PRKCH: variants seen among roughly 807,000 people sequenced by gnomAD.
PRKCH encodes the protein protein kinase C eta type.
In PRKCH, 28 loss-of-function variants were observed where a neutral mutation model predicts 82.5. The observed-to-expected ratio is 0.34, with a 90% CI of 0.25 to 0.47. PRKCH has a LOEUF of 0.47. Ranked by LOEUF, PRKCH falls within the 20% of genes least tolerant of loss-of-function variation. The pLI is 1.00. For synonymous variants in PRKCH, 322 were observed against 327.4 expected (o/e 0.98, Z 0.18); for missense variants, 705 against 881.8 (o/e 0.80, Z 2.54).
chr14:61,548,722 G>A (rs912640977), intron 13 of PRKCH, among the ~76,000 whole-genome samples: 9 of 151,928 alleles, frequency 5.9e-5, no homozygotes, highest in African/African-American at 2.2e-4. Flanking sequence ...AAAAAGCCTG[G>A]TGTGGTGATG....
At chr14:61,422,582 C>A (rs1262998237) in intron 2 of PRKCH, among the ~76,000 whole-genome samples, 2 of 152,174 alleles carry the variant, frequency 1.3e-5, no homozygotes, top group Non-Finnish European at 2.9e-5. Flanking sequence ...TGTATGTGCT[C>A]CAGATTCCCC....
At chr14:61,258,765 C>T (rs1289372270) in intron 1 of PRKCH, among the ~76,000 whole-genome samples, 1 of 152,120 alleles carries the variant, frequency 6.6e-6, no homozygotes. Context: ...ATTTTGTGGG[C>T]TTTAATCATT....
chr14:61,219,209 G>T (rs1006004857), intron 1 of PRKCH, among the ~76,000 whole-genome samples: 8 of 152,338 alleles, frequency 5.3e-5, no homozygotes, highest in Non-Finnish European at 1.0e-4. Flanking sequence ...CTGGAGGAGT[G>T]AAGTATTCAT....
chr14:61,188,746 T>C (rs1254223622), intron 1 of PRKCH, among the ~76,000 whole-genome samples: 1 of 143,570 alleles, frequency 7.0e-6, no homozygotes, highest in East Asian at 2.1e-4. Flanking sequence ...TGTGATGGAG[T>C]TTTGCTCTTG....
intron 1 of PRKCH, chr14:61,281,038 G>C (rs1219975471): frequency 2.6e-6 from 4 of 1,530,554 alleles, no homozygotes; most frequent in Non-Finnish European, 3.5e-6. Context: ...GAAGAAGAGC[G>C]GCAGCGCGAT....
At chr14:61,324,135 T>G (rs1192308058) in intron 1 of PRKCH, among the ~76,000 whole-genome samples, 1 of 152,222 alleles carries the variant, frequency 6.6e-6, no homozygotes, top group Non-Finnish European at 1.5e-5. Flanking sequence ...GATTCCAGTA[T>G]GCAGTCGAGG....
intron 2 of PRKCH, among the ~76,000 whole-genome samples, chr14:61,406,080 C>A (rs955115599): frequency 2.0e-5 from 3 of 152,134 alleles, no homozygotes; most frequent in Admixed American, 6.5e-5. Flanking sequence ...CAGGTAAGCA[C>A]CTTGGCTGCT....
At position 61,274,323 on chromosome 14, in the gene PRKCH, G is replaced by C. The variant is rs956421522; in HGVS notation, c.-19+86655G>C. Among the ~76,000 whole-genome samples the C allele has an allele frequency of 7.2e-5, 11 of 152,168 alleles. 1 individual carries two copies. Among genetic ancestry groups the C allele is most frequent in the African/African-American group, 2.7e-4 (11 of 41,438 alleles). On this transcript the variant is annotated intron_variant, in intron 1 of 3. Transcript: ENST00000555185. The stretch of plus-strand genomic sequence containing the variant: ...AAAGTGGATGAAGATTTAGAACGAG[G>C]CCAACCATGAAGGTGTGTATGTCCT...
Position 61,321,934 on chromosome 14 carries a change from A to G in PRKCH, c.-168A>G. 5 of 636,142 alleles carry G rather than the reference A, an allele frequency of 7.9e-6. 1 individual carries two copies. In the South Asian group the frequency reaches 9.3e-5, roughly 12 times the overall value. The allele number at this position is 636,142 out of a possible 1,614,324, so 39.4% of individuals were successfully genotyped here. A position where few individuals can be genotyped will look rare whatever the true frequency, so the allele number is the denominator to read the frequency against. On this transcript the variant is annotated 5_prime_UTR_variant, in exon 1 of 14. Coordinates refer to ENST00000332981, the MANE Select transcript of PRKCH (RefSeq NM_006255.5). This position sits in a 1 kb window ranked among gnomAD's most constrained non-coding sequence, Gnocchi z 4.1. ...GAGGGAGGGAAGGAGGGGAGGGAAAAGTCCCACGGAGGAGGCAGAATGGCC... is the reference window on the plus strand; with the variant it reads ...GAGGGAGGGAAGGAGGGGAGGGAAAGGTCCCACGGAGGAGGCAGAATGGCC...
intron 1 of PRKCH, among the ~76,000 whole-genome samples, chr14:61,251,316 AT>A (rs1265512625): frequency 3.3e-5 from 5 of 151,904 alleles, no homozygotes; most frequent in East Asian, 1.9e-4. Flanking sequence ...CTTTCTAATT[AT>A]TTTTTGTACC....
intron 9 of PRKCH, among the ~76,000 whole-genome samples, chr14:61,472,882 GT>G (rs1885566406): frequency 6.6e-6 from 1 of 152,200 alleles, no homozygotes; most frequent in Admixed American, 6.5e-5. Context: ...TTCTGTAAAT[GT>G]TTATGGAGCA....
intron 9 of PRKCH, among the ~76,000 whole-genome samples, chr14:61,482,152 G>T (rs1288770043): frequency 1.3e-5 from 2 of 151,308 alleles, no homozygotes; most frequent in African/African-American, 4.9e-5. Context: ...ATGCCACCAT[G>T]CCCAGCTAAT....
chr14:61,435,619 T>C (rs2140266821), intron 2 of PRKCH, among the ~76,000 whole-genome samples: 1 of 152,260 alleles, frequency 6.6e-6, no homozygotes, highest in African/African-American at 2.4e-5. Context: ...GGTGGGAGGA[T>C]GGCTTGAGTC....
chr14:61,415,830 C>T (rs1882518854), intron 2 of PRKCH, among the ~76,000 whole-genome samples: 1 of 152,102 alleles, frequency 6.6e-6, no homozygotes. Context: ...CCATTGAATA[C>T]TAATTCTCCA....
intron 1 of PRKCH, among the ~76,000 whole-genome samples, chr14:61,233,412 AAG>A (rs753225313): frequency 5.9e-5 from 9 of 151,824 alleles, no homozygotes; most frequent in East Asian, 1.9e-4. Context: ...AAAAAAGAAA[AAG>A]AAAAAAAAGC....
At chr14:61,446,826 G>A (rs966832050) in intron 4 of PRKCH, among the ~76,000 whole-genome samples, 1 of 152,212 alleles carries the variant, frequency 6.6e-6, no homozygotes, top group Admixed American at 6.5e-5. Context: ...GATAAGTTGA[G>A]AAGCTCTGGA....
At chr14:61,269,367 TTTA>T (rs2045131832) in intron 1 of PRKCH, among the ~76,000 whole-genome samples, 1 of 152,156 alleles carries the variant, frequency 6.6e-6, no homozygotes, top group Admixed American at 6.5e-5. Context: ...TTAATTAATT[TTTA>T]TTTAAGTTTT....
chr14:61,255,001 G>A (rs2044985421), intron 1 of PRKCH, among the ~76,000 whole-genome samples: 1 of 152,190 alleles, frequency 6.6e-6, no homozygotes, highest in African/African-American at 2.4e-5. Flanking sequence ...CCCTGCCTGG[G>A]AAAGCTGCCC....
rs967553802 is a variant in PRKCH at position 61,391,236 on chromosome 14, G to C, written c.375G>C (p.Glu125Asp). ...SDTFEGWVDL[E>D]PEGKVFVVIT... ...TTTTCTCTTTGTAGGTGGATCTCGA[G>C]CCAGAGGGGAAAGTATTTGTGGTAA... Residue 125 changes from glutamate (E) to aspartate (D), a missense_variant, in exon 2 of 14, where the codon GAG becomes GAC. Transcript: ENST00000332981. 24 of 1,610,324 alleles carry C rather than the reference G, an allele frequency of 1.5e-5. No homozygotes were observed. Among genetic ancestry groups the C allele is most frequent in the Non-Finnish European group, 1.9e-5 (22 of 1,178,348 alleles).
Sources: gnomAD v4.1 joint callset for allele counts (sites outside exome capture counted in the v4.1 genomes callset) on GRCh38, gnomAD v4.1.1 for gene constraint, Gnocchi (gnomAD v3.1) non-coding constraint, MANE v1.5 for transcripts, NCBI Gene and HGNC (gene_info 2026-07-23, HGNC 2026-07-21) for gene names.